TBX15: variants seen among roughly 807,000 people sequenced by gnomAD.
TBX15 encodes the protein T-box transcription factor 15.
A neutral mutation model predicts 53.9 loss-of-function variants in TBX15; 18 were observed. The ratio of observed to expected loss-of-function variants is 0.33; its 90% CI spans 0.23 to 0.49. The LOEUF is 0.49. Among genes scored for constraint, TBX15 ranks in the 20% least tolerant of loss-of-function variants. TBX15 has a pLI of 0.98. For synonymous variants in TBX15, 295 were observed against 278.0 expected, an observed-to-expected ratio of 1.06 and a Z score of -0.61; for missense variants, 692 against 749.5, an observed-to-expected ratio of 0.92 and a Z score of 0.90.
chr1:118,956,977 A>T (rs1389051319), intron 1 of TBX15, among the ~76,000 whole-genome samples: 1 of 149,052 alleles, frequency 6.7e-6, no homozygotes, highest in Admixed American at 6.7e-5. Flanking sequence ...AAAAAAAAAT[A>T]GATTAAATCC....
At chr1:118,974,330 T>C (rs1002057244) in intron 1 of TBX15, among the ~76,000 whole-genome samples, 1 of 152,214 alleles carries the variant, frequency 6.6e-6, no homozygotes, top group African/African-American at 2.4e-5. Flanking sequence ...GGATTTTACA[T>C]CTTTCTCTTT....
chr1:118,884,687 C>G lies in TBX15; in HGVS notation c.*45G>C. The G allele has an allele frequency of 1.2e-6, 2 of 1,610,132 alleles. No individual in the cohort carries two copies. Among genetic ancestry groups the G allele is most frequent in the Non-Finnish European group, 1.7e-6 (2 of 1,177,836 alleles). ...AGAGGAGGATCTGACCACGGAGACT[C>G]TGGGGCCTTGATTGCCAAATGCTCC... is the stretch of plus-strand genomic sequence containing the variant. On this transcript the variant is annotated 3_prime_UTR_variant, in exon 8 of 8. Transcript: ENST00000369429.
At chr1:118,935,932 A>G (rs1007331036) in intron 1 of TBX15, among the ~76,000 whole-genome samples, 35 of 152,280 alleles carry the variant, frequency 2.3e-4, no homozygotes, top group Admixed American at 1.1e-3. Flanking sequence ...GAAAACTAAC[A>G]TGTACTAGAA....
rs145625575 is a variant in TBX15, at chr1:118,908,745, GTC to G, written c.926+5368_926+5369del. On this transcript the variant is annotated intron_variant, in intron 6 of 7. Transcript: ENST00000369429. ...TGAACACACACGTACACCTACTCCT[GTC>G]TCTCTCTCTCTCTCTCACACACACA... Among the ~76,000 whole-genome samples the G allele has an allele frequency of 2.8e-3, 416 of 148,882 alleles. 4 individuals carry two copies. Among genetic ancestry groups the G allele is most frequent in the Admixed American group, 5.2e-3 (77 of 14,918 alleles).
chr1:118,903,234 GAGA>G (rs1199356540), intron 6 of TBX15, among the ~76,000 whole-genome samples: 1 of 152,156 alleles, frequency 6.6e-6, no homozygotes, highest in East Asian at 1.9e-4. Context: ...ATGTGCTGAA[GAGA>G]AGGAGAAAGA....
chr1:118,901,857 C>G (rs573066752), intron 6 of TBX15, among the ~76,000 whole-genome samples: 1 of 152,142 alleles, frequency 6.6e-6, no homozygotes, highest in African/African-American at 2.4e-5. Context: ...AGCAGGGAGA[C>G]CTTCCTTAGC....
rs1361236873 is a variant in TBX15, at chr1:118,887,425, A to G, written c.1025-1909T>C. On this transcript the variant is annotated intron_variant, in intron 7 of 7. Transcript: ENST00000369429. ...CACACTGGCTCATGCCTGTAATCCTAGCACTTTGGGAGGCCAAGGCAGGTG... is the reference window on the plus strand; with the variant it reads ...CACACTGGCTCATGCCTGTAATCCTGGCACTTTGGGAGGCCAAGGCAGGTG... Among the ~76,000 whole-genome samples, 4 of 152,352 alleles carry G rather than the reference A, an allele frequency of 2.6e-5. No homozygotes were observed. The East Asian group carries it at 7.7e-4, about 29-fold the overall frequency.
intron 1 of TBX15, among the ~76,000 whole-genome samples, chr1:118,949,677 G>A (rs1411862634): frequency 6.6e-6 from 1 of 152,250 alleles, no homozygotes; most frequent in Non-Finnish European, 1.5e-5. Flanking sequence ...TGGCCGTGAG[G>A]CCTCTTAGCT....
chr1:118,972,029 G>C (rs1433037373), intron 1 of TBX15, among the ~76,000 whole-genome samples: 1 of 152,222 alleles, frequency 6.6e-6, no homozygotes, highest in Non-Finnish European at 1.5e-5. Flanking sequence ...GCCAAAGGGG[G>C]ACCCTTGTAT....
chr1:118,940,738 A>T (rs961151671), intron 1 of TBX15, among the ~76,000 whole-genome samples: 2 of 134,228 alleles, frequency 1.5e-5, no homozygotes, highest in African/African-American at 5.3e-5. Flanking sequence ...AAAAAAAAAT[A>T]AATAAAGGAC....
At chr1:118,954,844 C>T (rs1656628510) in intron 1 of TBX15, among the ~76,000 whole-genome samples, 1 of 152,202 alleles carries the variant, frequency 6.6e-6, no homozygotes, top group Admixed American at 6.5e-5. Context: ...CAGCTGGAAG[C>T]ACTGCATGAT....
At chr1:118,965,497 C>G (rs1657008781) in intron 1 of TBX15, among the ~76,000 whole-genome samples, 1 of 152,106 alleles carries the variant, frequency 6.6e-6, no homozygotes, top group Non-Finnish European at 1.5e-5. Context: ...GTAAATTGAA[C>G]AACCTTTCGG....
At chr1:118,930,556 C>G (rs1186460908) in intron 2 of TBX15, among the ~76,000 whole-genome samples, 2 of 152,192 alleles carry the variant, frequency 1.3e-5, no homozygotes, top group African/African-American at 4.8e-5. Flanking sequence ...GCAGGGATTA[C>G]AGGCACCCAT....
chr1:118,938,061 C>G (rs543811147), intron 1 of TBX15, among the ~76,000 whole-genome samples: 1 of 152,232 alleles, frequency 6.6e-6, no homozygotes, highest in African/African-American at 2.4e-5. Flanking sequence ...CATAGAGTAA[C>G]TCTAAATATG....
chr1:118,919,700 T>C (rs562827311), intron 5 of TBX15, among the ~76,000 whole-genome samples: 2 of 152,182 alleles, frequency 1.3e-5, no homozygotes, highest in Non-Finnish European at 2.9e-5. Context: ...CTATGCAATA[T>C]AGGTCAGACG....
At chr1:118,968,629 C>A (rs771603137) in intron 1 of TBX15, among the ~76,000 whole-genome samples, 1 of 152,100 alleles carries the variant, frequency 6.6e-6, no homozygotes, top group Non-Finnish European at 1.5e-5. Context: ...GAGTAAACAG[C>A]CTGTTTTGCC....
intron 7 of TBX15, among the ~76,000 whole-genome samples, chr1:118,893,295 AAGGAAGGAAGG>A (rs1353708518): frequency 3.7e-5 from 5 of 134,682 alleles, no homozygotes; most frequent in Non-Finnish European, 6.2e-5. Flanking sequence ...GGAAGGAAGG[AAGGAAGGAAGG>A]AAGGAAGGAA....
rs1653801999 is a variant in TBX15 at position 118,883,521 on chromosome 1, T to G, written c.*1211A>C. On this transcript the variant is annotated 3_prime_UTR_variant, in exon 8 of 8. Transcript: ENST00000369429. ...TGCCACAGGGATAGCGGGCAGGCAT[T>G]CTAGGTCAGGTGTCTGGATCCGGCA... 6.6e-6 allele frequency: 1 copy of G among 152,166 alleles called. No individual in the cohort carries two copies. Among genetic ancestry groups the G allele is most frequent in the Non-Finnish European group, 1.5e-5 (1 of 68,036 alleles). 9.4% of individuals were successfully genotyped at this position (152,166 alleles called of 1,614,324 possible).
intron 1 of TBX15, among the ~76,000 whole-genome samples, chr1:118,963,273 G>A (rs1191554348): frequency 6.6e-6 from 1 of 152,170 alleles, no homozygotes; most frequent in Admixed American, 6.5e-5. Context: ...TTAGGACACT[G>A]TTTTATCTGA....
Sources: gnomAD v4.1 joint callset for allele counts (sites outside exome capture counted in the v4.1 genomes callset) on GRCh38, gnomAD v4.1.1 for gene constraint, MANE v1.5 for transcripts, NCBI Gene and HGNC (gene_info 2026-07-23, HGNC 2026-07-21) for gene names.